The following POLR2M variants were observed in gnomAD, a reference collection of about 807,000 sequenced individuals.
The protein encoded by POLR2M is RNA polymerase II subunit M, also known as protein GRINL1A.
A neutral mutation model predicts 34.6 loss-of-function variants in POLR2M; 30 were observed. The observed-to-expected ratio is 0.87, with a 90% CI of 0.65 to 1.18. The LOEUF (loss-of-function observed/expected upper bound fraction) is 1.18, where lower values mean the gene tolerates loss of function less well. Among genes scored for constraint, POLR2M ranks in the 50% most tolerant of loss-of-function variants. The probability of loss-of-function intolerance (pLI) is 0.00; values close to 1 mark genes in which losing one functional copy is unlikely to be tolerated. For missense variants in POLR2M, 432 were observed against 448.7 expected, an observed-to-expected ratio of 0.96 and a Z score of 0.34; for synonymous variants, 150 against 166.7, an observed-to-expected ratio of 0.90 and a Z score of 0.77.
chr15:57,711,994 C>A lies in POLR2M; in HGVS notation c.769C>A (p.Arg257=). 6.2e-7 allele frequency: 1 copy of A among 1,613,914 alleles called. No homozygotes were observed. Among genetic ancestry groups the A allele is most frequent in the South Asian group, 1.1e-5 (1 of 91,066 alleles). The change falls in exon 3 of 4, where the codon CGA becomes AGA. Residue 257 remains arginine (R), a synonymous_variant. Transcript: ENST00000299638. ...TTTTCCTTTCATCAGGTTACCTTTT[C>A]GACAAAATGATTCATCTAGTCATTG... ...RKFKTNVLPF[R]QNDSSSHCQK...
chr15:57,712,328 C>G, intron 3 of POLR2M, 140 bp downstream of exon 3: 1 of 998,050 alleles, frequency 1.0e-6, no homozygotes, highest in Non-Finnish European at 1.5e-6. Context: ...CACTAGTTTT[C>G]AGAGAGTCAC....
chr15:57,713,820 CTTTTT>C (rs869161314), intron 3 of POLR2M, among the ~76,000 whole-genome samples: 52 of 65,632 alleles, frequency 7.9e-4, no homozygotes, highest in African/African-American at 3.0e-3. Context: ...ATTAGTCCTT[CTTTTT>C]TTTTTTTTTT....
At chr15:57,714,407 A>G in intron 3 of POLR2M, 129 bp from the exon 4 acceptor site, 3 of 1,478,590 alleles carry the variant, frequency 2.0e-6, no homozygotes, top group Non-Finnish European at 2.7e-6. Flanking sequence ...TCAGGCTTGT[A>G]TTGCCCAAGG....
intron 2 of POLR2M, among the ~76,000 whole-genome samples, chr15:57,711,712 A>G (rs1190874713): frequency 1.3e-5 from 2 of 151,618 alleles, no homozygotes; most frequent in South Asian, 2.1e-4. Flanking sequence ...CTACTGGGCA[A>G]TAAGCCCTTT....
chr15:57,706,913 T>C lies in POLR2M; in HGVS notation c.71T>C (p.Leu24Pro). ...EDLAQRSLVE[L>P]REMLKRQERL... Reference sequence around the variant, plus strand: ...TTGGCGCAGCGGAGTTTGGTGGAGCTGCGGGAAATGTTGAAGCGCCAGGAG... The same window carrying C: ...TTGGCGCAGCGGAGTTTGGTGGAGCCGCGGGAAATGTTGAAGCGCCAGGAG... Residue 24 changes from leucine (L) to proline (P), a missense_variant, in exon 1 of 4, where the codon CTG (leucine) becomes CCG (proline). By Grantham distance (98) the Leu-to-Pro change is moderately conservative. Transcript: ENST00000299638. 1.2e-6 allele frequency: 2 copies of C among 1,602,788 alleles called. No individual in the cohort carries two copies. Among genetic ancestry groups the C allele is most frequent in the Non-Finnish European group, 1.7e-6 (2 of 1,174,460 alleles).
At chr15:57,708,382 C>T (rs1430140323) in intron 1 of POLR2M, among the ~76,000 whole-genome samples, 1 of 152,180 alleles carries the variant, frequency 6.6e-6, no homozygotes, top group Non-Finnish European at 1.5e-5. Context: ...TCCACCCCAT[C>T]CCCAAATTTT....
chr15:57,710,673 G>A (rs2040672525), intron 2 of POLR2M, among the ~76,000 whole-genome samples: 1 of 152,144 alleles, frequency 6.6e-6, no homozygotes, highest in South Asian at 2.1e-4. Context: ...TCCCAGTTCT[G>A]TATTATGGTC....
intron 3 of POLR2M, among the ~76,000 whole-genome samples, chr15:57,713,977 C>T (rs868516236): frequency 2.6e-5 from 4 of 151,300 alleles, no homozygotes; most frequent in Non-Finnish European, 2.9e-5. Flanking sequence ...CCCGGGAACA[C>T]GCCGGGTTCA....
chr15:57,709,448 C>T, intron 2 of POLR2M, 90 bp downstream of exon 2: 2 of 1,462,538 alleles, frequency 1.4e-6, no homozygotes, highest in East Asian at 2.3e-5. Flanking sequence ...TGGTGCTTGC[C>T]TGTAGTCCCA....
At chr15:57,711,058 A>G (rs1162956369) in intron 2 of POLR2M, among the ~76,000 whole-genome samples, 1 of 152,186 alleles carries the variant, frequency 6.6e-6, no homozygotes, top group African/African-American at 2.4e-5. Context: ...GTTCCCAGGT[A>G]CCTCAGCTTA....
Position 57,706,906 on chromosome 15 carries a change from G to A in POLR2M, c.64G>A (p.Val22Met). Reference sequence around the variant, plus strand: ...CGAGGACTTGGCGCAGCGGAGTTTGGTGGAGCTGCGGGAAATGTTGAAGCG... The same window carrying A: ...CGAGGACTTGGCGCAGCGGAGTTTGATGGAGCTGCGGGAAATGTTGAAGCG... Reference protein sequence around the residue: ...APEDLAQRSLVELREMLKRQE... With the variant: ...APEDLAQRSLMELREMLKRQE... The change falls in exon 1 of 4, where the codon GTG becomes ATG. Residue 22 changes from valine to methionine, a missense_variant. Val to Met is a conservative substitution (Grantham distance 21). Coordinates refer to ENST00000299638, the MANE Select transcript of POLR2M (RefSeq NM_015532.5). 1 of 1,602,120 alleles carries A rather than the reference G, an allele frequency of 6.2e-7. No individual in the cohort carries two copies. Among genetic ancestry groups the A allele is most frequent in the Non-Finnish European group, 8.5e-7 (1 of 1,174,114 alleles).
Position 57,712,092 on chromosome 15 carries a change from A to G in POLR2M, c.867A>G (p.Thr289=). Residue 289 remains threonine (T), a synonymous_variant, in exon 3 of 4, where the codon ACA becomes ACG. Transcript: ENST00000299638. The part of the protein sequence containing the change: ...RRDKQHLDDI[T]AARLLPLHHM... The stretch of plus-strand genomic sequence containing the variant: ...ATAAGCAGCATCTTGATGACATCAC[A>G]GCAGCTCGGCTTCTACCACTTCACC... The G allele has an allele frequency of 1.2e-6, 2 of 1,614,126 alleles. No homozygotes were observed. Among genetic ancestry groups the G allele is most frequent in the South Asian group, 2.2e-5 (2 of 91,082 alleles).
rs754511940 is a variant in POLR2M, at chr15:57,709,275, T to G, written c.675T>G (p.Thr225=). The G allele has an allele frequency of 1.8e-5, 29 of 1,614,092 alleles. No homozygotes were observed. The highest frequency in any genetic ancestry group is 2.3e-5 in the Non-Finnish European group (27 of 1,180,050). Residue 225 remains threonine, a synonymous_variant, in exon 2 of 4, where the codon ACT becomes ACG. Coordinates refer to ENST00000299638, the MANE Select transcript of POLR2M (RefSeq NM_015532.5). ...ACTTGACAGGCCTTTCCAGTGGGACTGAGAAGAAACCTCATTACATGGAAG... is the reference window on the plus strand; with the variant it reads ...ACTTGACAGGCCTTTCCAGTGGGACGGAGAAGAAACCTCATTACATGGAAG... ...TKNLTGLSSG[T]EKKPHYMEVL...
chr15:57,707,123 C>G, intron 1 of POLR2M, 168 bp downstream of exon 1: 1 of 1,541,168 alleles, frequency 6.5e-7, no homozygotes, highest in Non-Finnish European at 8.8e-7. Flanking sequence ...GCGGCAGAGC[C>G]GTGCCTCTTC....
At chr15:57,711,472 C>T (rs1220268945) in intron 2 of POLR2M, among the ~76,000 whole-genome samples, 3 of 152,310 alleles carry the variant, frequency 2.0e-5, no homozygotes, top group Non-Finnish European at 2.9e-5. Context: ...AGTCTGTCTA[C>T]CTTCTGTACT....
Position 57,709,370 on chromosome 15 carries a change from C to G in POLR2M, c.758+12C>G, listed in dbSNP as rs139711688. ...TTTAAAACCAATGTGTAAGTACCCT[C>G]GGAAACAGGCCTGTAACAGGAACGT... is the stretch of plus-strand genomic sequence containing the variant. On this transcript the variant is annotated intron_variant, in intron 2 of 3. Transcript: ENST00000299638. The G allele has an allele frequency of 6.2e-7, 1 of 1,601,184 alleles. No individual in the cohort carries two copies. The highest frequency in any genetic ancestry group is 8.5e-7 in the Non-Finnish European group (1 of 1,173,466).
In POLR2M at chr15:57,708,777, A is replaced by T. The variant is rs1306308009; in HGVS notation, c.177A>T (p.Lys59Asn). The part of the protein sequence containing the change: ...KKIFDSFAKL[K>N]AAIAECEEVR... Reference sequence around the variant, plus strand: ...TCTTTGACTCTTTTGCCAAACTGAAAGCTGCCATTGCAGAATGTGAAGAAG... The same window carrying T: ...TCTTTGACTCTTTTGCCAAACTGAATGCTGCCATTGCAGAATGTGAAGAAG... Residue 59 changes from lysine to asparagine, a missense_variant, in exon 2 of 4, where the codon AAA (lysine) becomes AAT (asparagine). Transcript: ENST00000299638. 1 of 1,608,892 alleles carries T rather than the reference A, an allele frequency of 6.2e-7. No homozygotes were observed. Among genetic ancestry groups the T allele is most frequent in the Non-Finnish European group, 8.5e-7 (1 of 1,178,602 alleles).
intron 3 of POLR2M, among the ~76,000 whole-genome samples, chr15:57,713,837 TTTTTTTTTTTTTTTTTTTTTTTG>T (rs2040836782): frequency 1.0e-5 from 1 of 97,452 alleles, no homozygotes; most frequent in African/African-American, 4.5e-5. Flanking sequence ...TTTTTTTTTT[TTTTTTTTTTTTTTTTTTTTTTTG>T]AGACGGAGTC....
chr15:57,707,027 C>G (rs747820695), intron 1 of POLR2M, 72 bp downstream of exon 1: 1 of 1,551,862 alleles, frequency 6.4e-7, no homozygotes, highest in Non-Finnish European at 8.7e-7. Context: ...CCCTCCCCTC[C>G]CGCACTCTGT....
Sources: allele counts gnomAD v4.1 joint callset (sites outside exome capture counted in the v4.1 genomes callset), GRCh38; gene constraint gnomAD v4.1.1; transcripts MANE v1.5; gene names NCBI Gene and HGNC (gene_info 2026-07-23, HGNC 2026-07-21).